FARS2: variants seen among roughly 807,000 people sequenced by gnomAD.
FARS2 encodes phenylalanyl-tRNA synthetase 2, mitochondrial.
FARS2 carries 40 observed loss-of-function variants against 46.4 expected under a neutral mutation model. The observed-to-expected ratio is 0.86, with a 90% CI of 0.67 to 1.12. The LOEUF (loss-of-function observed/expected upper bound fraction) is 1.12, where lower values mean the gene tolerates loss of function less well. Among genes scored for constraint, FARS2 ranks in the 50% most tolerant of loss-of-function variants. FARS2 has a pLI of 0.00. For missense variants in FARS2, 513 were observed against 567.9 expected, an observed-to-expected ratio of 0.90 and a Z score of 0.98; for synonymous variants, 234 against 214.9, an observed-to-expected ratio of 1.09 and a Z score of -0.78.
intron 6 of FARS2, among the ~76,000 whole-genome samples, chr6:5,676,393 A>G (rs913345207): frequency 2.0e-5 from 3 of 152,210 alleles, no homozygotes; most frequent in African/African-American, 7.2e-5. Flanking sequence ...ATATTTGCAA[A>G]TTTGGATTTA....
At position 5,368,696 on chromosome 6, in the gene FARS2, C is replaced by T; in HGVS notation, c.126C>T (p.Ala42=). 6.2e-7 allele frequency: 1 copy of T among 1,614,176 alleles called. No homozygotes were observed. Among genetic ancestry groups the T allele is most frequent in the African/African-American group, 1.3e-5 (1 of 75,048 alleles). Residue 42 remains alanine (A), a synonymous_variant, in exon 2 of 7, where the codon GCC becomes GCT. Transcript: ENST00000274680. Reference sequence around the variant, plus strand: ...CGAGGCCTCCTGCAGCAGAGTGTGCCACCCAAAGAGCTCCAGGCAGTGTGG... The same window carrying T: ...CGAGGCCTCCTGCAGCAGAGTGTGCTACCCAAAGAGCTCCAGGCAGTGTGG... ...WGSRPPAAEC[A]TQRAPGSVVE...
chr6:5,420,289 C>T (rs1471940476), intron 3 of FARS2, among the ~76,000 whole-genome samples: 1 of 152,160 alleles, frequency 6.6e-6, no homozygotes, highest in Non-Finnish European at 1.5e-5. Context: ...CATCCCTGGC[C>T]CCTCCCAAAT....
chr6:5,370,776 T>C (rs1340887569), intron 2 of FARS2, among the ~76,000 whole-genome samples: 3 of 152,202 alleles, frequency 2.0e-5, no homozygotes, highest in Non-Finnish European at 2.9e-5. Context: ...TTGTTTCATA[T>C]TTGTTTTGGG....
chr6:5,421,404 G>A (rs1765767073), intron 3 of FARS2, among the ~76,000 whole-genome samples: 1 of 152,206 alleles, frequency 6.6e-6, no homozygotes, highest in Admixed American at 6.5e-5. Context: ...ATGTCCCAGA[G>A]ACATTTTCCC....
chr6:5,762,246 C>A (rs989682881), intron 6 of FARS2, among the ~76,000 whole-genome samples: 1 of 152,192 alleles, frequency 6.6e-6, no homozygotes, highest in African/African-American at 2.4e-5. Flanking sequence ...TTTACCTATA[C>A]ATTTTTTTCA....
intron 2 of FARS2, among the ~76,000 whole-genome samples, chr6:5,399,500 G>A (rs548648754): frequency 7.2e-5 from 11 of 152,082 alleles, no homozygotes; most frequent in Admixed American, 2.0e-4. Flanking sequence ...AAGTATTAAC[G>A]TCCTTCTAAA....
chr6:5,484,228 G>T (rs937777493), intron 4 of FARS2, among the ~76,000 whole-genome samples: 43 of 152,332 alleles, frequency 2.8e-4, no homozygotes, highest in African/African-American at 1.0e-3. Flanking sequence ...TAATCATAAT[G>T]GTTGAGTTGA....
At chr6:5,595,769 C>T (rs753186498) in intron 5 of FARS2, among the ~76,000 whole-genome samples, 6 of 152,096 alleles carry the variant, frequency 3.9e-5, no homozygotes, top group South Asian at 2.1e-4. Context: ...CGCTTACCGA[C>T]GCTGACACCT....
Position 5,431,181 on chromosome 6 carries a change from G to C in FARS2, c.904+9G>C, listed in dbSNP as rs201412926. ...ACAACTGGTCAATTCAGGTAAAAAA[G>C]AATCCCACATTTTATTTACACGTGC... On this transcript the variant is annotated intron_variant, in intron 4 of 6. Coordinates refer to ENST00000274680, the MANE Select transcript of FARS2 (RefSeq NM_006567.5). 18 of 1,613,146 alleles carry C rather than the reference G, an allele frequency of 1.1e-5. No individual in the cohort carries two copies. The highest frequency in any genetic ancestry group is 1.3e-5 in the Non-Finnish European group (15 of 1,179,462).
At position 5,771,442 on chromosome 6, in the gene FARS2, A is replaced by G. The variant is rs1258288071; in HGVS notation, c.*13A>G. 1 of 1,607,710 alleles carries G rather than the reference A, an allele frequency of 6.2e-7. No homozygotes were observed. The highest frequency in any genetic ancestry group is 8.5e-7 in the Non-Finnish European group (1 of 1,177,874). ...GGGCAGGTTCTGATGTCACCACTTC[A>G]CTCAGGCTGCAGCCCTCTTGGGGCT... is the stretch of plus-strand genomic sequence containing the variant. On this transcript the variant is annotated 3_prime_UTR_variant, in exon 7 of 7. Transcript: ENST00000274680.
Position 5,444,329 on chromosome 6 carries a change from T to C in FARS2, c.904+13157T>C, listed in dbSNP as rs755651861. On this transcript the variant is annotated intron_variant, in intron 4 of 6. Transcript: ENST00000274680. ...TAAAAATACAAAAATTAGCTGGGCA[T>C]GGTGTCAGGTGCCTGTAATCCCAGC... Among the ~76,000 whole-genome samples the C allele has an allele frequency of 9.9e-5, 15 of 151,738 alleles. No individual in the cohort carries two copies. In the East Asian group the frequency reaches 1.7e-3, roughly 18 times the overall value.
chr6:5,690,516 A>G (rs1183202912), intron 6 of FARS2, among the ~76,000 whole-genome samples: 2 of 151,362 alleles, frequency 1.3e-5, no homozygotes, highest in Non-Finnish European at 2.9e-5. Context: ...AAGAATGTTG[A>G]ATATTGGCCC....
chr6:5,540,360 A>T (rs1770545911), intron 4 of FARS2, among the ~76,000 whole-genome samples: 1 of 152,178 alleles, frequency 6.6e-6, no homozygotes, highest in African/African-American at 2.4e-5. Context: ...TCCATTTCTC[A>T]TCTGTGAAAC....
Position 5,765,088 on chromosome 6 carries a change from C to T in FARS2, c.1218-6203C>T, listed in dbSNP as rs1762682103. On this transcript the variant is annotated intron_variant, in intron 6 of 6. Transcript: ENST00000274680. The surrounding 1 kb of genome is among the most constrained non-coding windows in gnomAD (Gnocchi z 4.0). The stretch of plus-strand genomic sequence containing the variant: ...CTGACTATACTCAGCACCTATACAT[C>T]CTTGTCTTTGGTCTAGGGGCTCTGG... Among the ~76,000 whole-genome samples, 2 of 152,232 alleles carry T rather than the reference C, an allele frequency of 1.3e-5. No individual in the cohort carries two copies. The highest frequency in any genetic ancestry group is 4.1e-4 in the South Asian group (2 of 4,834).
At chr6:5,743,914 T>C (rs1412650411) in intron 6 of FARS2, among the ~76,000 whole-genome samples, 1 of 152,238 alleles carries the variant, frequency 6.6e-6, no homozygotes, top group African/African-American at 2.4e-5. Flanking sequence ...CACATATGTG[T>C]GTGTCACACT....
chr6:5,533,206 T>C (rs138662577), intron 4 of FARS2, among the ~76,000 whole-genome samples: 1 of 152,336 alleles, frequency 6.6e-6, no homozygotes, highest in East Asian at 1.9e-4. Flanking sequence ...TAGGGGTCAA[T>C]GAATAGAATA....
At chr6:5,681,553 T>G (rs1779033413) in intron 6 of FARS2, among the ~76,000 whole-genome samples, 1 of 152,176 alleles carries the variant, frequency 6.6e-6, no homozygotes, top group South Asian at 2.1e-4. Context: ...AAAAAGTTAC[T>G]TAAAAAACGG....
At chr6:5,522,214 G>A (rs1025133179) in intron 4 of FARS2, among the ~76,000 whole-genome samples, 1 of 152,224 alleles carries the variant, frequency 6.6e-6, no homozygotes, top group Non-Finnish European at 1.5e-5. Flanking sequence ...GGCCCTCACA[G>A]CAAGGGAAGG....
chr6:5,338,893 T>C (rs1026934659), intron 1 of FARS2, among the ~76,000 whole-genome samples: 5 of 152,204 alleles, frequency 3.3e-5, no homozygotes, highest in Admixed American at 6.5e-5. Flanking sequence ...TCCCCAGATT[T>C]ACTAGCCTTC....
Sources: allele counts gnomAD v4.1 joint callset (sites outside exome capture counted in the v4.1 genomes callset), GRCh38; gene constraint gnomAD v4.1.1; non-coding constraint Gnocchi (gnomAD v3.1); transcripts MANE v1.5; gene names NCBI Gene and HGNC (gene_info 2026-07-23, HGNC 2026-07-21).